KIF1C: variants seen among roughly 807,000 people sequenced by gnomAD.
KIF1C encodes the protein kinesin-like protein KIF1C.
Under a neutral mutation model 126.5 loss-of-function variants are expected in KIF1C, and 61 were observed. The ratio of observed to expected loss-of-function variants is 0.48; its 90% CI spans 0.39 to 0.60. The LOEUF is 0.60. Among genes scored for constraint, KIF1C ranks in the 20% least tolerant of loss-of-function variants. The pLI, the probability that KIF1C is intolerant of heterozygous loss-of-function variation, is 0.00. For synonymous variants in KIF1C, 640 were observed against 580.6 expected (o/e 1.10, Z -1.47); for missense variants, 1,315 against 1,489.2 (o/e 0.88, Z 1.93).
intron 21 of KIF1C, among the ~76,000 whole-genome samples, chr17:5,021,169 G>GTTTTTTTTTTTTTTTTTTTTTTTTTTT: frequency 1.3e-5 from 1 of 77,372 alleles, no homozygotes; most frequent in Non-Finnish European, 2.4e-5. Flanking sequence ...GATTGTTGTG[G>GTTTTTTTTTTTTTTTTTTTTTTTTTTT]TTTTTTTTTT....
intron 13 of KIF1C, 140 bp from the exon 14 acceptor site, chr17:5,006,775 C>T (rs1042941593): frequency 6.0e-6 from 5 of 833,272 alleles, no homozygotes; most frequent in Admixed American, 5.3e-5. Flanking sequence ...TAGGAGGGCT[C>T]CTTGCCTGGT....
At chr17:5,018,281 C>G (rs2143371964) in intron 18 of KIF1C, among the ~76,000 whole-genome samples, 1 of 152,224 alleles carries the variant, frequency 6.6e-6, no homozygotes, top group African/African-American at 2.4e-5. Context: ...GTGCCCAACC[C>G]TATTCCCTTT....
At chr17:5,012,896 C>G (rs911089953) in intron 16 of KIF1C, among the ~76,000 whole-genome samples, 1 of 151,854 alleles carries the variant, frequency 6.6e-6, no homozygotes, top group Non-Finnish European at 1.5e-5. Context: ...GGGAATGGGC[C>G]GGGTTTTCAG....
At position 5,004,998 on chromosome 17, in the gene KIF1C, A is replaced by G. The variant is rs1045112397; in HGVS notation, c.1163A>G (p.Glu388Gly). ...MAQGLSASAL[E>G]GLKTEEGSVR... Reference sequence around the variant, plus strand: ...CAGGGACTGTCAGCCTCTGCTCTGGAAGGTCGAGGTTCCAGGGAGGGGCAG... The same window carrying G: ...CAGGGACTGTCAGCCTCTGCTCTGGGAGGTCGAGGTTCCAGGGAGGGGCAG... Residue 388 changes from glutamate (E) to glycine (G), a missense_variant and splice_region_variant, in exon 13 of 23, where the codon GAA (glutamate) becomes GGA (glycine). Transcript: ENST00000320785. 1 of 1,614,006 alleles carries G rather than the reference A, an allele frequency of 6.2e-7. No homozygotes were observed. Among genetic ancestry groups the G allele is most frequent in the Non-Finnish European group, 8.5e-7 (1 of 1,180,002 alleles).
chr17:5,000,409 A>G, intron 3 of KIF1C, 57 bp downstream of exon 3: 7 of 1,202,990 alleles, frequency 5.8e-6, no homozygotes, highest in Non-Finnish European at 8.4e-6. Flanking sequence ...GGCCCACCAC[A>G]CAGGCCAGTC....
At chr17:5,019,213 G>A (rs1172225917) in intron 18 of KIF1C, 1 of 167,556 alleles carries the variant, frequency 6.0e-6, no homozygotes, top group Admixed American at 6.5e-5. Flanking sequence ...TAAAACACAT[G>A]TTTGCATGTT....
intron 11 of KIF1C, 122 bp from the exon 12 acceptor site, chr17:5,004,445 C>T (rs1437718041): frequency 2.3e-6 from 2 of 872,638 alleles, no homozygotes; most frequent in East Asian, 2.4e-5. Context: ...GCTAGACTCC[C>T]CTACCTCAGA....
At position 5,003,661 on chromosome 17, in the gene KIF1C, C is replaced by T. The variant is rs903875496; in HGVS notation, c.770C>T (p.Ser257Phe). Residue 257 changes from serine (S) to phenylalanine (F), a missense_variant, in exon 9 of 23, where the codon TCC (serine) becomes TTC (phenylalanine). Ser to Phe is a radical substitution (Grantham distance 155, BLOSUM62 -2). Around this residue, in one of 2 missense-constraint regions of KIF1C, gnomAD observed 874 missense variants for 1,053.2 expected, o/e 0.83. Transcript: ENST00000320785. ...CTTGCTGGGAGTGAGCGAGCCGACT[C>T]CTCAGGGGCCCGGGGCATGCGCCTG... ...VDLAGSERAD[S>F]SGARGMRLKE... 1.4e-5 allele frequency: 23 copies of T among 1,613,686 alleles called. No homozygotes were observed. Among genetic ancestry groups the T allele is most frequent in the Non-Finnish European group, 1.9e-5 (23 of 1,179,928 alleles).
Position 5,024,078 on chromosome 17 carries a change from C to G in KIF1C, c.3239C>G (p.Pro1080Arg), listed in dbSNP as rs763743652. The G allele has an allele frequency of 5.0e-6, 8 of 1,606,510 alleles. No homozygotes were observed. In the Admixed American group the frequency reaches 1.4e-4, roughly 27 times the overall value. ...AQRPPGPRYP[P>R]YTTPPRMRRQ... ...CGGCCCCCAGGGCCCCGCTACCCCC[C>G]ATACACTACTCCCCCACGAATGAGA... The change falls in exon 23 of 23, where the codon CCA becomes CGA. Residue 1080 changes from proline (P) to arginine (R), a missense_variant. Physicochemically the swap from Pro to Arg is moderately radical, Grantham distance 103 (BLOSUM62 -2). Around this residue, in one of 2 missense-constraint regions of KIF1C, gnomAD observed 441 missense variants for 436.1 expected, o/e 1.01. Transcript: ENST00000320785.
rs536270731 is a variant in KIF1C at position 5,023,017 on chromosome 17, A to AGTTTT, written c.2628+318_2628+322dup. Among the ~76,000 whole-genome samples the AGTTTT allele has an allele frequency of 1.3e-5, 2 of 152,056 alleles. No homozygotes were observed. The highest frequency in any genetic ancestry group is 6.6e-5 in the Admixed American group (1 of 15,260). On this transcript the variant is annotated intron_variant, in intron 22 of 22. Coordinates refer to ENST00000320785, the MANE Select transcript of KIF1C (RefSeq NM_006612.6). This position sits in a 1 kb window ranked among gnomAD's most constrained non-coding sequence, Gnocchi z 4.2. Reference sequence around the variant, plus strand: ...TAAGACCCACTGATATAAAGTTTGCAGTTTTGTTTTGTTTCTGAGGTGAAG... The same window carrying AGTTTT: ...TAAGACCCACTGATATAAAGTTTGCAGTTTTGTTTTGTTTTGTTTCTGAGGTGAAG...
Position 5,020,748 on chromosome 17 carries a change from C to T in KIF1C, c.1938-58C>T, listed in dbSNP as rs564878133. 6.2e-7 allele frequency: 1 copy of T among 1,604,114 alleles called. No individual in the cohort carries two copies. The highest frequency in any genetic ancestry group is 1.7e-5 in the Admixed American group (1 of 57,782). On this transcript the variant is annotated intron_variant, in intron 20 of 22. Transcript: ENST00000320785. The surrounding 1 kb of genome is among the most constrained non-coding windows in gnomAD (Gnocchi z 5.8). The stretch of plus-strand genomic sequence containing the variant: ...CCTCCCGGGCCTCTGGGCCCGTGTC[C>T]TCCTCTTGTCAGATACTCACCAAGG...
rs532562369 is a variant in KIF1C at position 5,017,369 on chromosome 17, G to A, written c.1666+2532G>A. ...GGCTCGAGTGCAGTGGCGCGATCTC[G>A]GCTCACTGCAAGCTCTGCCTCCCGG... On this transcript the variant is annotated intron_variant, in intron 18 of 22. Transcript: ENST00000320785. 2.8e-5 allele frequency among the ~76,000 whole-genome samples: 4 copies of A among 144,072 alleles called. No individual in the cohort carries two copies. In the South Asian group the frequency reaches 6.6e-4, roughly 24 times the overall value. The allele number at this position is 144,072 out of a possible 152,430, so 94.5% of individuals were successfully genotyped here. A position where few individuals can be genotyped will look rare whatever the true frequency, so the allele number is the denominator to read the frequency against.
intron 1 of KIF1C, among the ~76,000 whole-genome samples, chr17:4,999,225 C>T (rs1974498297): frequency 1.3e-5 from 2 of 152,190 alleles, no homozygotes; most frequent in Non-Finnish European, 2.9e-5. Flanking sequence ...TACCTACAGT[C>T]CTTGGACTTT....
intron 16 of KIF1C, 149 bp downstream of exon 16, chr17:5,007,691 A>C (rs1367753538): frequency 1.9e-6 from 1 of 540,248 alleles, no homozygotes; most frequent in Non-Finnish European, 3.2e-6. Context: ...CTCCCCTGCC[A>C]CCTCCTCTCC....
intron 18 of KIF1C, among the ~76,000 whole-genome samples, chr17:5,016,902 T>G (rs532839238): frequency 2.2e-5 from 3 of 138,696 alleles, no homozygotes; most frequent in Middle Eastern, 3.5e-3. Flanking sequence ...TGAGACTGTT[T>G]CAAAAAAAAA....
In KIF1C at chr17:5,000,207, C is replaced by T. The variant is rs1348439108; in HGVS notation, c.-27-13C>T. 2.8e-6 allele frequency: 4 copies of T among 1,449,530 alleles called. No homozygotes were observed. Among genetic ancestry groups the T allele is most frequent in the Non-Finnish European group, 2.8e-6 (3 of 1,053,846 alleles). The allele number at this position is 1,449,530 out of a possible 1,614,324, so 89.8% of individuals were successfully genotyped here. ...GTGGTTCTGACCCCACCACTCCTTT[C>T]TCTGTCCTCCAGCTGAGGAGGGCAG... On this transcript the variant is annotated splice_polypyrimidine_tract_variant and intron_variant, in intron 2 of 22. Coordinates refer to ENST00000320785, the MANE Select transcript of KIF1C (RefSeq NM_006612.6).
intron 18 of KIF1C, among the ~76,000 whole-genome samples, chr17:5,018,612 C>G (rs1228079373): frequency 1.3e-5 from 2 of 151,812 alleles, no homozygotes; most frequent in African/African-American, 4.8e-5. Context: ...TTGCTTGAAC[C>G]CAGGAGGAGA....
intron 1 of KIF1C, among the ~76,000 whole-genome samples, chr17:4,998,512 C>T (rs540571023): frequency 3.9e-4 from 59 of 152,318 alleles, no homozygotes; most frequent in Non-Finnish European, 7.8e-4. Flanking sequence ...CGACCCCTGT[C>T]CCTACCTCTA....
At chr17:5,007,968 A>G (rs1974773851) in intron 16 of KIF1C, among the ~76,000 whole-genome samples, 1 of 152,192 alleles carries the variant, frequency 6.6e-6, no homozygotes, top group Admixed American at 6.5e-5. Context: ...GGGGTTGGTT[A>G]TAGATGGAGG....
Sources: allele counts gnomAD v4.1 joint callset (sites outside exome capture counted in the v4.1 genomes callset), GRCh38; gene constraint gnomAD v4.1.1; regional missense constraint gnomAD v4.1.1; non-coding constraint Gnocchi (gnomAD v3.1); transcripts MANE v1.5; gene names NCBI Gene and HGNC (gene_info 2026-07-23, HGNC 2026-07-21).